The following SLC35D1 variants were observed in gnomAD, a reference collection of about 807,000 sequenced individuals.
SLC35D1 encodes nucleotide sugar transporter SLC35D1.
A neutral mutation model predicts 46.7 loss-of-function variants in SLC35D1; 31 were observed. The ratio of observed to expected loss-of-function variants is 0.66; its 90% CI spans 0.50 to 0.90. The LOEUF is 0.90. Among genes scored for constraint, SLC35D1 ranks in the 40% least tolerant of loss-of-function variants. SLC35D1 has a pLI of 0.00. For missense variants in SLC35D1, 397 were observed against 426.2 expected (o/e 0.93, Z 0.60); for synonymous variants, 195 against 164.6 (o/e 1.18, Z -1.41).
chr1:67,033,755 C>G, intron 8 of SLC35D1, among the ~76,000 whole-genome samples: 1 of 152,116 alleles, frequency 6.6e-6, no homozygotes, highest in Middle Eastern at 3.2e-3. Flanking sequence ...CTAAGAAATC[C>G]TTGCCCAGTC....
rs1345123558 is a variant in SLC35D1, at chr1:67,003,942, C to CAGT, written c.*397_*398insACT. The CAGT allele has an allele frequency of 9.4e-6, 2 of 212,518 alleles. No individual in the cohort carries two copies. Among genetic ancestry groups the CAGT allele is most frequent in the African/African-American group, 4.7e-5 (2 of 42,930 alleles). The allele number at this position is 212,518 out of a possible 1,614,324, so 13.2% of individuals were successfully genotyped here. A position where few individuals can be genotyped will look rare whatever the true frequency, so the allele number is the denominator to read the frequency against. On this transcript the variant is annotated 3_prime_UTR_variant, in exon 12 of 12. Coordinates refer to ENST00000235345, the MANE Select transcript of SLC35D1 (RefSeq NM_015139.3). ...CATTTCCAGCAGAGGAAAGGCTAAA[C>CAGT]TGCCTCCAGATGCAGCAACAATTTG...
At chr1:66,995,365 A>ATCCAAATACTGCAGCTGGTG (rs1553262443), downstream of SLC35D1, among the ~76,000 whole-genome samples, 1 of 146,294 alleles carries the variant, frequency 6.8e-6, no homozygotes, top group Non-Finnish European at 1.5e-5. Context: ...ACAGTATACA[A>ATCCAAATACTGCAGCTGGTG]TCCAAATACT....
the SLC35D1 span, chr1:66,984,862 C>G: frequency 6.3e-7 from 1 of 1,597,700 alleles, no homozygotes; most frequent in Non-Finnish European, 8.5e-7. Context: ...AGCAGTCTCA[C>G]ATGGGAAATT....
Position 67,001,544 on chromosome 1 carries a change from A to G in SLC35D1, c.*2796T>C, listed in dbSNP as rs1667341106. ...TAGAATTTGTCTTTTGGAATACCAC[A>G]GCTCATCTGTCTCAGTGGGCAAATT... On this transcript the variant is annotated 3_prime_UTR_variant, in exon 12 of 12. Coordinates refer to ENST00000235345, the MANE Select transcript of SLC35D1 (RefSeq NM_015139.3). 6.6e-6 allele frequency: 1 copy of G among 152,294 alleles called. No homozygotes were observed. The highest frequency in any genetic ancestry group is 1.5e-5 in the Non-Finnish European group (1 of 68,024). 9.4% of individuals were successfully genotyped at this position (152,294 alleles called of 1,614,324 possible).
chr1:66,973,470 C>T, the SLC35D1 span, among the ~76,000 whole-genome samples: 2 of 151,956 alleles, frequency 1.3e-5, no homozygotes, highest in African/African-American at 4.8e-5. Context: ...TTTCTAGGAG[C>T]TTCTGTGTCG....
the SLC35D1 span, chr1:66,987,746 T>C: frequency 1.4e-4 from 21 of 150,356 alleles, no homozygotes; most frequent in Non-Finnish European, 2.7e-4. Context: ...GAATGATGCA[T>C]GTTATTGACA....
chr1:67,040,370 T>C, intron 8 of SLC35D1, among the ~76,000 whole-genome samples: 1 of 152,114 alleles, frequency 6.6e-6, no homozygotes, highest in South Asian at 2.1e-4. Flanking sequence ...TTGGTCCTAA[T>C]TTAGAAGGAA....
intron 8 of SLC35D1, among the ~76,000 whole-genome samples, chr1:67,028,880 A>T (rs1401307808): frequency 6.6e-6 from 1 of 151,982 alleles, no homozygotes; most frequent in African/African-American, 2.4e-5. Context: ...GATATTTTTC[A>T]TCCCTAAAAG....
intron 7 of SLC35D1, among the ~76,000 whole-genome samples, chr1:67,043,551 A>T (rs1645218687): frequency 6.6e-6 from 1 of 152,142 alleles, no homozygotes; most frequent in Non-Finnish European, 1.5e-5. Flanking sequence ...GCTCAAAAAC[A>T]AAACAAACAA....
rs1244142373 is a variant in SLC35D1, at chr1:67,001,237, C to G, written c.*3103G>C. The G allele has an allele frequency of 1.3e-5, 2 of 152,250 alleles. No homozygotes were observed. Among genetic ancestry groups the G allele is most frequent in the East Asian group, 3.8e-4 (2 of 5,328 alleles). 9.4% of individuals were successfully genotyped at this position (152,250 alleles called of 1,614,324 possible). Reference sequence around the variant, plus strand: ...ACTCCACTGTTTCTCCGTGAGGATCCTGCACCAGCTGTACTGACCAAAACC... The same window carrying G: ...ACTCCACTGTTTCTCCGTGAGGATCGTGCACCAGCTGTACTGACCAAAACC... On this transcript the variant is annotated 3_prime_UTR_variant, in exon 12 of 12. Transcript: ENST00000235345.
the SLC35D1 span, chr1:66,986,373 ATATT>A: frequency 2.8e-5 from 45 of 1,603,168 alleles, no homozygotes; most frequent in Non-Finnish European, 3.5e-5. Flanking sequence ...CTTTTATAAA[ATATT>A]AATTATTCTT....
intron 10 of SLC35D1, among the ~76,000 whole-genome samples, chr1:67,017,688 C>T (rs1291336373): frequency 1.3e-5 from 2 of 152,260 alleles, no homozygotes; most frequent in East Asian, 1.9e-4. Flanking sequence ...CTACTCCAGA[C>T]ATTAACCTTG....
chr1:67,032,548 G>A (rs1668038546), intron 8 of SLC35D1, among the ~76,000 whole-genome samples: 1 of 151,982 alleles, frequency 6.6e-6, no homozygotes, highest in African/African-American at 2.4e-5. Flanking sequence ...GGGCGTGGTG[G>A]CGTGCACCTG....
At chr1:67,030,587 AT>A (rs546746547) in intron 8 of SLC35D1, among the ~76,000 whole-genome samples, 4,109 of 148,742 alleles carry the variant, frequency 0.028, 165 homozygotes, top group African/African-American at 0.093. Flanking sequence ...ATTACTTTTA[AT>A]TTTTTTTTTT....
the SLC35D1 span, chr1:66,981,829 G>C: frequency 6.2e-7 from 1 of 1,613,966 alleles, no homozygotes; most frequent in Non-Finnish European, 8.5e-7. Context: ...GCATCTAGTC[G>C]AGCACCATCC....
In SLC35D1 at chr1:67,021,209, C is replaced by T. The variant is rs966208657; in HGVS notation, c.797+326G>A. Among the ~76,000 whole-genome samples, 6 of 152,260 alleles carry T rather than the reference C, an allele frequency of 3.9e-5. No individual in the cohort carries two copies. The South Asian group carries it at 6.2e-4, about 16-fold the overall frequency. On this transcript the variant is annotated intron_variant, in intron 9 of 11. Transcript: ENST00000235345. ...TGCTGCCACTGCCACCTACAAAGTG[C>T]GCAAATTTAGACAATTTACTAAAGT... is the stretch of plus-strand genomic sequence containing the variant.
chr1:66,985,429 C>T, the SLC35D1 span: 1 of 983,218 alleles, frequency 1.0e-6, no homozygotes, highest in Non-Finnish European at 1.2e-6. Flanking sequence ...GAAAATTATG[C>T]TAGCATGATT....
At chr1:67,021,756 C>CACACACACAT (rs1558155444) in intron 8 of SLC35D1, among the ~76,000 whole-genome samples, 154 bp from the exon 9 acceptor site, 1 of 150,782 alleles carries the variant, frequency 6.6e-6, no homozygotes, top group South Asian at 2.1e-4. Flanking sequence ...CACACACACA[C>CACACACACAT]ACAGGTATAT....
intron 3 of SLC35D1, among the ~76,000 whole-genome samples, chr1:67,052,347 G>T (rs1418173576): frequency 6.6e-6 from 1 of 152,144 alleles, no homozygotes; most frequent in Non-Finnish European, 1.5e-5. Context: ...AACATCATTT[G>T]CTGTAAAATA....
Sources: gnomAD v4.1 joint callset for allele counts (sites outside exome capture counted in the v4.1 genomes callset) on GRCh38, gnomAD v4.1.1 for gene constraint, MANE v1.5 for transcripts, NCBI Gene and HGNC (gene_info 2026-07-23, HGNC 2026-07-21) for gene names.